Variants in PITPNM2 observed in about 807,000 individuals in gnomAD.
The protein encoded by PITPNM2 is phosphatidylinositol transfer protein membrane associated 2, also known as membrane-associated phosphatidylinositol transfer protein 2.
PITPNM2 carries 35 observed loss-of-function variants against 132.2 expected under a neutral mutation model. That is an observed-to-expected ratio of 0.26 (90% confidence interval 0.20 to 0.35). PITPNM2 has a LOEUF of 0.35. PITPNM2 is among the 10% of genes least tolerant of loss of function. PITPNM2 has a pLI of 1.00. For missense variants in PITPNM2, 1,332 were observed against 1,912.0 expected, an observed-to-expected ratio of 0.70 and a Z score of 5.66; for synonymous variants, 738 against 799.2, an observed-to-expected ratio of 0.92 and a Z score of 1.29.
intron 2 of PITPNM2, among the ~76,000 whole-genome samples, chr12:123,086,281 G>T (rs1194076971): frequency 1.3e-5 from 2 of 152,216 alleles, no homozygotes; most frequent in Non-Finnish European, 2.9e-5. Flanking sequence ...TCATTTACCA[G>T]CTTGGGGGCC....
intron 2 of PITPNM2, among the ~76,000 whole-genome samples, chr12:123,048,614 T>G (rs915366782): frequency 3.3e-5 from 5 of 151,862 alleles, no homozygotes; most frequent in African/African-American, 1.2e-4. Context: ...GGGTTTCACC[T>G]TGTTAGCCAG....
At chr12:123,042,770 T>C (rs2040537310) in intron 2 of PITPNM2, among the ~76,000 whole-genome samples, 1 of 152,162 alleles carries the variant, frequency 6.6e-6, no homozygotes, top group Non-Finnish European at 1.5e-5. Flanking sequence ...ATGGTAAAAG[T>C]ACTTCCTCTC....
At position 123,001,164 on chromosome 12, in the gene PITPNM2, G is replaced by A; in HGVS notation, c.1049-6C>T. On this transcript the variant is annotated splice_polypyrimidine_tract_variant and splice_region_variant and intron_variant, in intron 8 of 25. Coordinates refer to ENST00000320201, the MANE Select transcript of PITPNM2 (RefSeq NM_020845.3). ...CTCTGTGTCGGACAGGTCCTCTGGA[G>A]AGGAGAGAGGGAAACTCAGGTGGGA... The A allele has an allele frequency of 6.2e-7, 1 of 1,611,414 alleles. No individual in the cohort carries two copies. The highest frequency in any genetic ancestry group is 2.2e-5 in the East Asian group (1 of 44,858).
chr12:123,053,603 T>G lies in PITPNM2; in HGVS notation c.-95-18918A>C, dbSNP rs113326538. 6.2e-3 allele frequency among the ~76,000 whole-genome samples: 941 copies of G among 150,732 alleles called. 15 individuals are homozygous for G. Among genetic ancestry groups the G allele is most frequent in the African/African-American group, 0.022 (885 of 40,710 alleles). On this transcript the variant is annotated intron_variant, in intron 2 of 25. Transcript: ENST00000320201. ...TTTTTTTGAGACGGAGTTTTGCCCTTGTTGCCCAGCCTGGAGTGCAATGGC... is the reference window on the plus strand; with the variant it reads ...TTTTTTTGAGACGGAGTTTTGCCCTGGTTGCCCAGCCTGGAGTGCAATGGC...
rs753524103 is a variant in PITPNM2, at chr12:122,986,720, C to G, written c.3523G>C (p.Val1175Leu). 1.9e-6 allele frequency: 3 copies of G among 1,613,464 alleles called. No individual in the cohort carries two copies. Among genetic ancestry groups the G allele is most frequent in the African/African-American group, 2.7e-5 (2 of 74,948 alleles). The part of the protein sequence containing the change: ...LAQHNFPHGV[V>L]SFCDGLVHDP... Reference sequence around the variant, plus strand: ...TGCACCAGGCCGTCACAGAAGGACACCACGCCATGGGGGAAGTTGTGCTGG... The same window carrying G: ...TGCACCAGGCCGTCACAGAAGGACAGCACGCCATGGGGGAAGTTGTGCTGG... Residue 1175 changes from valine (V) to leucine (L), a missense_variant, in exon 24 of 26, where the codon GTG becomes CTG. Transcript: ENST00000320201.
At position 122,988,363 on chromosome 12, in the gene PITPNM2, G is replaced by T; in HGVS notation, c.2881-13C>A. The T allele has an allele frequency of 1.2e-6, 2 of 1,610,162 alleles. No homozygotes were observed. The highest frequency in any genetic ancestry group is 1.7e-6 in the Non-Finnish European group (2 of 1,177,340). On this transcript the variant is annotated splice_polypyrimidine_tract_variant and intron_variant, in intron 19 of 25. Coordinates refer to ENST00000320201, the MANE Select transcript of PITPNM2 (RefSeq NM_020845.3). ...CATGCCTCATGACCTGGGAAGAGGG[G>T]ACAGTGCAGGCTGTGGGGCAGATGC...
intron 2 of PITPNM2, among the ~76,000 whole-genome samples, chr12:123,109,304 A>G (rs980376518): frequency 4.6e-5 from 7 of 152,256 alleles, no homozygotes; most frequent in Admixed American, 2.6e-4. Flanking sequence ...AGGCCTTGGC[A>G]TGGAAAATGG....
intron 1 of PITPNM2, among the ~76,000 whole-genome samples, chr12:123,110,920 C>T (rs1026141083): frequency 6.6e-6 from 1 of 152,166 alleles, no homozygotes; most frequent in Non-Finnish European, 1.5e-5. Context: ...AGACACAGTC[C>T]GAGAGGATGG....
chr12:123,112,842 T>C (rs915634862), intron 1 of PITPNM2, among the ~76,000 whole-genome samples: 19 of 152,232 alleles, frequency 1.2e-4, no homozygotes, highest in Admixed American at 1.2e-3. Flanking sequence ...CCAGCCTAAA[T>C]CTTCAATATA....
At chr12:123,013,713 G>A in intron 4 of PITPNM2, 115 bp downstream of exon 4, 1 of 1,192,738 alleles carries the variant, frequency 8.4e-7, no homozygotes. Flanking sequence ...CTGGGGTTAT[G>A]GGTTGTTGAA....
rs1261052822 is a variant in PITPNM2, at chr12:123,097,831, A to G, written c.-96+12554T>C. Among the ~76,000 whole-genome samples the G allele has an allele frequency of 6.6e-6, 1 of 152,250 alleles. No homozygotes were observed. The highest frequency in any genetic ancestry group is 2.4e-5 in the African/African-American group (1 of 41,470). Reference sequence around the variant, plus strand: ...GGCTGACCTCGCCCCTACATCTGCCACTTGGCAGTGGGTATGAGGAACAGC... The same window carrying G: ...GGCTGACCTCGCCCCTACATCTGCCGCTTGGCAGTGGGTATGAGGAACAGC... On this transcript the variant is annotated intron_variant, in intron 2 of 25. Coordinates refer to ENST00000320201, the MANE Select transcript of PITPNM2 (RefSeq NM_020845.3). This position sits in a 1 kb window ranked among gnomAD's most constrained non-coding sequence, Gnocchi z 4.7.
intron 1 of PITPNM2, among the ~76,000 whole-genome samples, chr12:123,113,334 C>A (rs1449485423): frequency 6.6e-6 from 1 of 152,228 alleles, no homozygotes; most frequent in Non-Finnish European, 1.5e-5. Flanking sequence ...ACAGACCATG[C>A]ATGGCCTTTG....
At chr12:123,047,586 T>C (rs1476451166) in intron 2 of PITPNM2, among the ~76,000 whole-genome samples, 1 of 152,120 alleles carries the variant, frequency 6.6e-6, no homozygotes, top group Non-Finnish European at 1.5e-5. Context: ...CCTCTTTCAG[T>C]AAGAATTCTA....
In PITPNM2 at chr12:122,992,775, G is replaced by C. The variant is rs1310901987; in HGVS notation, c.2234-106C>G. The C allele has an allele frequency of 1.3e-5, 10 of 796,796 alleles. No homozygotes were observed. The highest frequency in any genetic ancestry group is 1.6e-5 in the Non-Finnish European group (8 of 507,332). The allele number at this position is 796,796 out of a possible 1,614,324, so 49.4% of individuals were successfully genotyped here. ...ACTGGGTTGTCTGCTGAAAGTTAGG[G>C]ATAAGATGGGGGGTGTGTCTCTATC... On this transcript the variant is annotated intron_variant, in intron 15 of 25. Coordinates refer to ENST00000320201, the MANE Select transcript of PITPNM2 (RefSeq NM_020845.3). This position sits in a 1 kb window ranked among gnomAD's most constrained non-coding sequence, Gnocchi z 6.5.
intron 2 of PITPNM2, among the ~76,000 whole-genome samples, chr12:123,052,128 T>C (rs2040882390): frequency 6.9e-6 from 1 of 145,038 alleles, no homozygotes; most frequent in Non-Finnish European, 1.5e-5. Flanking sequence ...GGTTTCACCA[T>C]GTTGGCCAGG....
intron 5 of PITPNM2, among the ~76,000 whole-genome samples, 170 bp downstream of exon 5, chr12:123,012,443 C>G (rs963474480): frequency 6.6e-6 from 1 of 152,202 alleles, no homozygotes; most frequent in Non-Finnish European, 1.5e-5. Flanking sequence ...CTGAGAAGGC[C>G]TGCCCTGCCT....
chr12:123,039,005 G>A (rs71456783), intron 2 of PITPNM2, among the ~76,000 whole-genome samples: 1 of 149,696 alleles, frequency 6.7e-6, no homozygotes, highest in Non-Finnish European at 1.5e-5. Context: ...GACACTTGGG[G>A]AGGCTAAGGG....
At chr12:122,990,483 T>C in intron 17 of PITPNM2, 62 bp downstream of exon 17, 1 of 1,589,518 alleles carries the variant, frequency 6.3e-7, no homozygotes. Flanking sequence ...GGCCAGCAGC[T>C]GTCCCCTGTG....
At chr12:123,011,854 A>G (rs746741299) in intron 5 of PITPNM2, among the ~76,000 whole-genome samples, 15 of 152,146 alleles carry the variant, frequency 9.9e-5, no homozygotes, top group Non-Finnish European at 2.1e-4. Context: ...CCCCGAGAGA[A>G]TAACTGTGTG....
Sources: allele counts gnomAD v4.1 joint callset (sites outside exome capture counted in the v4.1 genomes callset), GRCh38; gene constraint gnomAD v4.1.1; non-coding constraint Gnocchi (gnomAD v3.1); transcripts MANE v1.5; gene names NCBI Gene and HGNC (gene_info 2026-07-23, HGNC 2026-07-21).